Variants in GALNT9 observed in about 807,000 individuals in gnomAD.
The protein encoded by GALNT9 is polypeptide N-acetylgalactosaminyltransferase 9.
Under a neutral mutation model 63.1 loss-of-function variants are expected in GALNT9, and 47 were observed. The observed-to-expected ratio is 0.75, with a 90% CI of 0.59 to 0.95. The LOEUF is 0.95. GALNT9 is among the 40% of genes least tolerant of loss of function. GALNT9 has a pLI of 0.00. For missense variants in GALNT9, 829 were observed against 874.8 expected (o/e 0.95, Z 0.66); for synonymous variants, 396 against 365.7 (o/e 1.08, Z -0.94).
At chr12:132,291,652 AGG>A (rs1880858219) in intron 1 of GALNT9, among the ~76,000 whole-genome samples, 1 of 147,694 alleles carries the variant, frequency 6.8e-6, no homozygotes, top group African/African-American at 2.5e-5. Context: ...CACAGCACCC[AGG>A]TCCACACCGC....
intron 6 of GALNT9, among the ~76,000 whole-genome samples, chr12:132,226,881 CAT>C (rs1322759197): frequency 6.7e-6 from 1 of 150,046 alleles, no homozygotes; most frequent in African/African-American, 2.5e-5. Flanking sequence ...ACCCCACACA[CAT>C]ACACTCCATA....
intron 4 of GALNT9, 72 bp from the exon 5 acceptor site, chr12:132,257,958 C>G (rs1879204827): frequency 1.8e-6 from 2 of 1,093,846 alleles, no homozygotes; most frequent in African/African-American, 1.5e-5. Flanking sequence ...CACTCGCCCA[C>G]AGGGAGGGGA....
chr12:132,201,337 G>T, intron 7 of GALNT9, 76 bp from the exon 8 acceptor site: 2 of 1,020,056 alleles, frequency 2.0e-6, no homozygotes, highest in African/African-American at 1.6e-5. Context: ...GAGGTTGGGG[G>T]TCTCCAGGGA....
At position 132,281,851 on chromosome 12, in the gene GALNT9, G is replaced by A. The variant is rs377481742; in HGVS notation, c.419+4399C>T. 5.3e-5 allele frequency among the ~76,000 whole-genome samples: 8 copies of A among 151,116 alleles called. No individual in the cohort carries two copies. In the South Asian group the frequency reaches 1.0e-3, roughly 20 times the overall value. On this transcript the variant is annotated intron_variant, in intron 2 of 10. Coordinates refer to ENST00000328957, the MANE Select transcript of GALNT9 (RefSeq NM_001122636.2). ...TCCACTACAGCAAGCCCAGGCCTGG[G>A]GGTCCCACATCCCACAGAGGAGGAA...
intron 1 of GALNT9, among the ~76,000 whole-genome samples, chr12:132,306,237 C>T (rs28366496): frequency 0.29 from 44,223 of 152,186 alleles, 8,097 homozygotes; most frequent in East Asian, 0.57. Context: ...GGCACCTGCC[C>T]GGGCCTCCCC....
rs61745417 is a variant in GALNT9 at position 132,199,207 on chromosome 12, C to T, written c.1464G>A (p.Ala488=). 586 of 1,603,616 alleles carry T rather than the reference C, an allele frequency of 3.7e-4. 3 individuals are homozygous for T. The African/African-American group carries it at 6.6e-3, about 18-fold the overall frequency. Residue 488 remains alanine (A), a synonymous_variant, in exon 9 of 11, where the codon GCG becomes GCA. Transcript: ENST00000328957. ...ACATCCCGTGGCAGGGGTAGAGGATCGCCCGGTCGCCGTCCTCCGCTCCCT... is the reference window on the plus strand; with the variant it reads ...ACATCCCGTGGCAGGGGTAGAGGATTGCCCGGTCGCCGTCCTCCGCTCCCT... The part of the protein sequence containing the change: ...LDQGAEDGDR[A]ILYPCHGMSS...
At position 132,316,143 on chromosome 12, in the gene GALNT9, G is replaced by A. The variant is rs1192304774; in HGVS notation, c.238+12823C>T. 1.3e-5 allele frequency among the ~76,000 whole-genome samples: 2 copies of A among 152,100 alleles called. No homozygotes were observed. The highest frequency in any genetic ancestry group is 6.5e-5 in the Admixed American group (1 of 15,282). Reference sequence around the variant, plus strand: ...AGGCAGGCAGAGGCAGGAGCTGGCCGCGGGCTGGGAGGCGACCCCACAGAC... The same window carrying A: ...AGGCAGGCAGAGGCAGGAGCTGGCCACGGGCTGGGAGGCGACCCCACAGAC... On this transcript the variant is annotated intron_variant, in intron 1 of 10. Transcript: ENST00000328957. The surrounding 1 kb of genome is among the most constrained non-coding windows in gnomAD (Gnocchi z 4.3).
In GALNT9 at chr12:132,315,142, C is replaced by T. The variant is rs1382702925; in HGVS notation, c.238+13824G>A. 2.6e-5 allele frequency among the ~76,000 whole-genome samples: 4 copies of T among 152,152 alleles called. No homozygotes were observed. The highest frequency in any genetic ancestry group is 9.7e-5 in the African/African-American group (4 of 41,430). On this transcript the variant is annotated intron_variant, in intron 1 of 10. Transcript: ENST00000328957. This position sits in a 1 kb window ranked among gnomAD's most constrained non-coding sequence, Gnocchi z 6.1. Reference sequence around the variant, plus strand: ...GGCCGGGCTCTGAGTCCAGGCGGCCCAGCGCTCTAGCCACATTTTAACCAC... The same window carrying T: ...GGCCGGGCTCTGAGTCCAGGCGGCCTAGCGCTCTAGCCACATTTTAACCAC...
chr12:132,256,667 G>A (rs1304095468), intron 5 of GALNT9, among the ~76,000 whole-genome samples: 2 of 102,928 alleles, frequency 1.9e-5, no homozygotes, highest in Non-Finnish European at 4.0e-5. Context: ...GAGGGGGGAC[G>A]CTGGAGGGGG....
intron 1 of GALNT9, among the ~76,000 whole-genome samples, chr12:132,287,101 C>G (rs1471930669): frequency 7.3e-6 from 1 of 137,368 alleles, no homozygotes; most frequent in Non-Finnish European, 1.6e-5. Context: ...AGTGAGTCAC[C>G]TGCATCGGGC....
At chr12:132,201,011 G>A (rs893417693) in intron 8 of GALNT9, 113 bp downstream of exon 8, 15 of 1,060,380 alleles carry the variant, frequency 1.4e-5, no homozygotes, top group South Asian at 8.2e-5. Context: ...TGGGGGAGGC[G>A]CTACCTCTCC....
chr12:132,201,066 G>A (rs527725418), intron 8 of GALNT9, 58 bp downstream of exon 8: 1 of 1,531,252 alleles, frequency 6.5e-7, no homozygotes, highest in Non-Finnish European at 9.0e-7. Flanking sequence ...GCATACGTGT[G>A]CAGGAGTCAG....
chr12:132,197,282 A>C (rs1280496561), intron 10 of GALNT9, 29 bp from the exon 11 acceptor site: 4 of 1,606,178 alleles, frequency 2.5e-6, no homozygotes, highest in Admixed American at 1.7e-5. Context: ...CAAGTCAGCC[A>C]GGTGCAGGCG....
intron 2 of GALNT9, among the ~76,000 whole-genome samples, chr12:132,285,062 A>T (rs1377797104): frequency 6.6e-6 from 1 of 152,152 alleles, no homozygotes; most frequent in African/African-American, 2.4e-5. Context: ...CCCCATCTCA[A>T]ATGAGCTCCT....
rs1555245956 is a variant in GALNT9, at chr12:132,319,572, A to G, written c.238+9394T>C. 1.3e-5 allele frequency among the ~76,000 whole-genome samples: 2 copies of G among 151,910 alleles called. No individual in the cohort carries two copies. The highest frequency in any genetic ancestry group is 4.8e-5 in the African/African-American group (2 of 41,436). ...TCACGGGAGCCAATCCTCACCCTAC[A>G]TCTCCTCTTGGGTCTCTCTCTATCC... On this transcript the variant is annotated intron_variant, in intron 1 of 10. Coordinates refer to ENST00000328957, the MANE Select transcript of GALNT9 (RefSeq NM_001122636.2). This position sits in a 1 kb window ranked among gnomAD's most constrained non-coding sequence, Gnocchi z 5.2.
At chr12:132,260,441 G>A (rs1407654163) in intron 4 of GALNT9, among the ~76,000 whole-genome samples, 3 of 152,206 alleles carry the variant, frequency 2.0e-5, no homozygotes, top group African/African-American at 7.2e-5. Flanking sequence ...GACCCCCTCA[G>A]CCCAGAAGCT....
At chr12:132,239,519 G>A (rs1203563452) in intron 6 of GALNT9, among the ~76,000 whole-genome samples, 5 of 151,218 alleles carry the variant, frequency 3.3e-5, no homozygotes, top group African/African-American at 1.2e-4. Context: ...CACACACTGA[G>A]AGACTGAGAT....
chr12:132,312,677 C>T (rs1555245285), intron 1 of GALNT9, among the ~76,000 whole-genome samples: 1 of 152,250 alleles, frequency 6.6e-6, no homozygotes. Context: ...GGAACCCACA[C>T]ACGGAGGATG....
intron 1 of GALNT9, among the ~76,000 whole-genome samples, chr12:132,321,814 C>G (rs1555246161): frequency 6.6e-6 from 1 of 151,942 alleles, no homozygotes; most frequent in African/African-American, 2.4e-5. Context: ...CACACAGGAG[C>G]CCACACACCT....
Sources: allele counts gnomAD v4.1 joint callset (sites outside exome capture counted in the v4.1 genomes callset), GRCh38; gene constraint gnomAD v4.1.1; non-coding constraint Gnocchi (gnomAD v3.1); transcripts MANE v1.5; gene names NCBI Gene and HGNC (gene_info 2026-07-23, HGNC 2026-07-21).